The following SCAMP1 variants were observed in gnomAD, a reference collection of about 807,000 sequenced individuals.
SCAMP1 encodes the protein secretory carrier-associated membrane protein 1.
A neutral mutation model predicts 41.8 loss-of-function variants in SCAMP1; 15 were observed. The ratio of observed to expected loss-of-function variants is 0.36; its 90% CI spans 0.24 to 0.55. The LOEUF is 0.55. SCAMP1 is among the 20% of genes least tolerant of loss of function. SCAMP1 has a pLI of 0.86. For missense variants in SCAMP1, 341 were observed against 412.6 expected (o/e 0.83, Z 1.50); for synonymous variants, 135 against 136.8 (o/e 0.99, Z 0.09).
chr5:78,453,270 T>C lies in SCAMP1; in HGVS notation c.734+3236T>C, dbSNP rs200451169. ...CATGAAGTCCTTGCCCATGCCTATGTCCTGAATGGTAATGCCCAGGTTTTC... is the reference window on the plus strand; with the variant it reads ...CATGAAGTCCTTGCCCATGCCTATGCCCTGAATGGTAATGCCCAGGTTTTC... On this transcript the variant is annotated intron_variant, in intron 7 of 8. Transcript: ENST00000621999. Among the ~76,000 whole-genome samples the C allele has an allele frequency of 5.9e-5, 9 of 151,320 alleles. No homozygotes were observed. In the East Asian group the frequency reaches 9.6e-4, roughly 16 times the overall value.
intron 2 of SCAMP1, among the ~76,000 whole-genome samples, chr5:78,402,263 TC>T (rs36040378): frequency 6.6e-6 from 1 of 152,112 alleles, no homozygotes; most frequent in Middle Eastern, 3.2e-3. Context: ...TGGTGAGTGT[TC>T]CATGTGAACT....
intron 4 of SCAMP1, among the ~76,000 whole-genome samples, chr5:78,417,612 A>G (rs1252898030): frequency 1.3e-5 from 2 of 152,326 alleles, no homozygotes; most frequent in Non-Finnish European, 2.9e-5. Flanking sequence ...TACTTAAATC[A>G]TCAATACAAT....
intron 1 of SCAMP1, among the ~76,000 whole-genome samples, chr5:78,367,317 G>A (rs1750822972): frequency 6.6e-6 from 1 of 152,052 alleles, no homozygotes; most frequent in Non-Finnish European, 1.5e-5. Context: ...TCACGATTCT[G>A]TTAATTGCGC....
intron 6 of SCAMP1, among the ~76,000 whole-genome samples, chr5:78,431,534 C>CT (rs11380148): frequency 0.38 from 46,291 of 121,150 alleles, 10,106 homozygotes; most frequent in East Asian, 0.73. Flanking sequence ...TTCTTTTTGC[C>CT]TTTTTTTTTT....
At chr5:78,401,871 G>T (rs541818968) in intron 2 of SCAMP1, among the ~76,000 whole-genome samples, 1 of 151,796 alleles carries the variant, frequency 6.6e-6, no homozygotes. Context: ...GCTTATTTTG[G>T]ATTTAATTTG....
intron 6 of SCAMP1, among the ~76,000 whole-genome samples, chr5:78,424,721 A>G (rs1752423582): frequency 6.6e-6 from 1 of 152,038 alleles, no homozygotes; most frequent in African/African-American, 2.4e-5. Flanking sequence ...TCCTGCCTCA[A>G]AAAAAAAGAA....
chr5:78,410,860 C>T (rs896849816), intron 2 of SCAMP1, among the ~76,000 whole-genome samples: 2 of 152,152 alleles, frequency 1.3e-5, no homozygotes, highest in African/African-American at 4.8e-5. Context: ...GAGACGGTAT[C>T]TCATTGTGGT....
intron 1 of SCAMP1, among the ~76,000 whole-genome samples, chr5:78,386,892 T>C (rs1580654489): frequency 6.6e-6 from 1 of 152,214 alleles, no homozygotes; most frequent in African/African-American, 2.4e-5. Flanking sequence ...TTAGATTCTT[T>C]CCTTTGTCTT....
chr5:78,386,931 C>T (rs929316107), intron 1 of SCAMP1, among the ~76,000 whole-genome samples: 1 of 152,040 alleles, frequency 6.6e-6, no homozygotes, highest in Admixed American at 6.6e-5. Flanking sequence ...GACTATGTGC[C>T]TAGGTGATGA....
rs1234060206 is a variant in SCAMP1, at chr5:78,477,383, C to A, written c.*1715C>A. 1.3e-5 allele frequency: 2 copies of A among 152,106 alleles called. No homozygotes were observed. Among genetic ancestry groups the A allele is most frequent in the Non-Finnish European group, 2.9e-5 (2 of 67,970 alleles). The allele number at this position is 152,106 out of a possible 1,614,324, so 9.4% of individuals were successfully genotyped here. On this transcript the variant is annotated 3_prime_UTR_variant, in exon 9 of 9. Coordinates refer to ENST00000621999, the MANE Select transcript of SCAMP1 (RefSeq NM_004866.6). The stretch of plus-strand genomic sequence containing the variant: ...TATTTCTAATCAGCGATAATTTCTA[C>A]CTATGTTCTCAACCAACTTAGCCAG...
intron 1 of SCAMP1, 71 bp downstream of exon 1, chr5:78,360,799 G>T (rs1561245057): frequency 2.1e-6 from 3 of 1,434,062 alleles, no homozygotes; most frequent in Non-Finnish European, 9.6e-7. Context: ...GAGTTCCTTC[G>T]CGCCCACTGC....
At chr5:78,377,315 A>G (rs961655803) in intron 1 of SCAMP1, among the ~76,000 whole-genome samples, 6 of 152,104 alleles carry the variant, frequency 3.9e-5, no homozygotes, top group East Asian at 3.9e-4. Flanking sequence ...CCACCTTCCT[A>G]TAACTTAGCT....
chr5:78,450,798 A>G (rs1400094254), intron 7 of SCAMP1, among the ~76,000 whole-genome samples: 2 of 152,190 alleles, frequency 1.3e-5, no homozygotes, highest in African/African-American at 4.8e-5. Flanking sequence ...TGAAATTAGC[A>G]TTTAATTAGA....
At chr5:78,395,782 C>T (rs778457595) in intron 2 of SCAMP1, among the ~76,000 whole-genome samples, 23 of 152,178 alleles carry the variant, frequency 1.5e-4, no homozygotes, top group African/African-American at 3.9e-4. Context: ...AACATGGCCA[C>T]CTATTTTGGC....
At position 78,459,297 on chromosome 5, in the gene SCAMP1, A is replaced by G. The variant is rs773415296; in HGVS notation, c.787A>G (p.Met263Val). ...CAACCAAAATATTCCTGTTGGAATC[A>G]TGATGATAATCATAGCAGCACTTTT... The part of the protein sequence containing the change: ...GLNQNIPVGI[M>V]MIIIAALFTA... Residue 263 changes from methionine (M) to valine (V), a missense_variant, in exon 8 of 9, where the codon ATG becomes GTG. Physicochemically the swap from Met to Val is conservative, Grantham distance 21 (BLOSUM62 1). Coordinates refer to ENST00000621999, the MANE Select transcript of SCAMP1 (RefSeq NM_004866.6). 1.1e-5 allele frequency: 17 copies of G among 1,608,956 alleles called. No homozygotes were observed. Among genetic ancestry groups the G allele is most frequent in the Non-Finnish European group, 1.7e-6 (2 of 1,175,956 alleles).
At position 78,480,227 on chromosome 5, in the gene SCAMP1, A is replaced by G. The variant is rs1239542035; in HGVS notation, c.*4559A>G. Among the ~76,000 whole-genome samples the G allele has an allele frequency of 2.0e-5, 3 of 152,122 alleles. No individual in the cohort carries two copies. On this transcript the variant is annotated 3_prime_UTR_variant, in exon 9 of 9. Transcript: ENST00000621999. Reference sequence around the variant, plus strand: ...CTGATGGTGTAGCTGAAACCCTCCTAACACTAAAAGCCATTTAATCTTTTC... The same window carrying G: ...CTGATGGTGTAGCTGAAACCCTCCTGACACTAAAAGCCATTTAATCTTTTC...
At chr5:78,451,532 C>G (rs960019164) in intron 7 of SCAMP1, among the ~76,000 whole-genome samples, 1 of 152,172 alleles carries the variant, frequency 6.6e-6, no homozygotes, top group East Asian at 1.9e-4. Context: ...GTTGTTTTGT[C>G]ATTTCAAGAA....
intron 1 of SCAMP1, among the ~76,000 whole-genome samples, chr5:78,386,114 G>A (rs915398045): frequency 6.6e-6 from 1 of 152,108 alleles, no homozygotes; most frequent in African/African-American, 2.4e-5. Flanking sequence ...AGTAGTACTT[G>A]TTTTATAAAT....
chr5:78,442,471 C>G (rs1752950628), intron 6 of SCAMP1, among the ~76,000 whole-genome samples: 5 of 152,110 alleles, frequency 3.3e-5, no homozygotes. Flanking sequence ...GTTGGCCAGG[C>G]TGGTCTCGAA....
Sources: allele counts gnomAD v4.1 joint callset (sites outside exome capture counted in the v4.1 genomes callset), GRCh38; gene constraint gnomAD v4.1.1; transcripts MANE v1.5; gene names NCBI Gene and HGNC (gene_info 2026-07-23, HGNC 2026-07-21).